LRCH1: variants seen among roughly 807,000 people sequenced by gnomAD.
The protein encoded by LRCH1 is leucine rich repeats and calponin homology domain containing 1, also known as leucine-rich repeat and calponin homology domain-containing protein 1.
Under a neutral mutation model 94.9 loss-of-function variants are expected in LRCH1, and 23 were observed. The ratio of observed to expected loss-of-function variants is 0.24; its 90% CI spans 0.17 to 0.34. LRCH1 has a LOEUF of 0.34. LRCH1 is among the 10% of genes least tolerant of loss of function. LRCH1 has a pLI of 1.00. For synonymous variants in LRCH1, 364 were observed against 354.9 expected, an observed-to-expected ratio of 1.03 and a Z score of -0.29; for missense variants, 790 against 945.9, an observed-to-expected ratio of 0.84 and a Z score of 2.16.
chr13:46,724,896 C>T (rs1438713333), intron 17 of LRCH1, among the ~76,000 whole-genome samples: 1 of 152,146 alleles, frequency 6.6e-6, no homozygotes, highest in African/African-American at 2.4e-5. Context: ...CAAAAAGAAA[C>T]CTGCACTCAT....
At chr13:46,673,396 T>TA (rs1284315633) in intron 3 of LRCH1, among the ~76,000 whole-genome samples, 3 of 152,064 alleles carry the variant, frequency 2.0e-5, no homozygotes, top group East Asian at 1.9e-4. Context: ...GGTCACGGTC[T>TA]AAAAAAAAGA....
chr13:46,659,163 G>GATTGATTT (rs2051413375), intron 2 of LRCH1, among the ~76,000 whole-genome samples: 1 of 149,002 alleles, frequency 6.7e-6, no homozygotes, highest in South Asian at 2.2e-4. Context: ...AAATACTTCA[G>GATTGATTT]ATTTATTTAT....
intron 13 of LRCH1, among the ~76,000 whole-genome samples, chr13:46,706,634 G>C (rs193034984): frequency 8.7e-4 from 132 of 152,022 alleles, no homozygotes; most frequent in African/African-American, 3.1e-3. Flanking sequence ...TGTTGCCCAG[G>C]TTAGTCTCAA....
chr13:46,600,985 A>G (rs2050621738), intron 1 of LRCH1, among the ~76,000 whole-genome samples: 1 of 152,212 alleles, frequency 6.6e-6, no homozygotes, highest in African/African-American at 2.4e-5. Flanking sequence ...CTCCTTGGGA[A>G]ATGGGGCTTG....
intron 1 of LRCH1, among the ~76,000 whole-genome samples, chr13:46,637,144 A>G (rs1241995509): frequency 6.6e-6 from 1 of 151,940 alleles, no homozygotes; most frequent in Non-Finnish European, 1.5e-5. Flanking sequence ...ATAATTGACT[A>G]CTCTTTTTCT....
chr13:46,622,319 A>C (rs2050889992), intron 1 of LRCH1, among the ~76,000 whole-genome samples: 1 of 152,188 alleles, frequency 6.6e-6, no homozygotes, highest in South Asian at 2.1e-4. Flanking sequence ...CTGCAAAGGA[A>C]ATAAGACACA....
intron 1 of LRCH1, among the ~76,000 whole-genome samples, chr13:46,627,577 G>T (rs1594297500): frequency 6.6e-6 from 1 of 152,052 alleles, no homozygotes; most frequent in African/African-American, 2.4e-5. Flanking sequence ...CTGTTTTCCT[G>T]CTCTTTCCCT....
intron 1 of LRCH1, among the ~76,000 whole-genome samples, chr13:46,555,232 G>GA (rs1409457377): frequency 6.6e-6 from 1 of 152,166 alleles, no homozygotes; most frequent in Admixed American, 6.5e-5. Flanking sequence ...AGAATTGCCT[G>GA]AATCACTGAC....
In LRCH1 at chr13:46,750,631, C is replaced by T. The variant is rs568403081; in HGVS notation, c.2072C>T (p.Thr691Met). 8.1e-5 allele frequency: 125 copies of T among 1,551,410 alleles called. 1 individual carries two copies. The highest frequency in any genetic ancestry group is 3.9e-4 in the East Asian group (16 of 40,912). ...CAAGCATTACTAGACATCACCGTAA[C>T]GAAGGCTCTGTTCACATGAAACTAC... The change falls in exon 19 of 19, where the codon ACG becomes ATG. Residue 691 changes from threonine (T) to methionine (M), a missense_variant. By Grantham distance (81) the Thr-to-Met change is moderately conservative. Transcript: ENST00000311191.
At chr13:46,729,496 G>A (rs1872992754) in intron 18 of LRCH1, among the ~76,000 whole-genome samples, 2 of 148,574 alleles carry the variant, frequency 1.3e-5, no homozygotes, top group Admixed American at 1.3e-4. Flanking sequence ...AGGCTGTAGT[G>A]AGCCATGATT....
At chr13:46,700,828 C>G (rs560176403) in intron 10 of LRCH1, among the ~76,000 whole-genome samples, 1 of 152,180 alleles carries the variant, frequency 6.6e-6, no homozygotes, top group Non-Finnish European at 1.5e-5. Context: ...CGGTGAAAGC[C>G]TCTCATCTAG....
chr13:46,685,777 T>C, intron 4 of LRCH1, 128 bp from the exon 5 acceptor site: 1 of 647,096 alleles, frequency 1.5e-6, no homozygotes, highest in East Asian at 2.9e-5. Flanking sequence ...AATGTACAAC[T>C]TGCCTTTGAT....
chr13:46,714,659 A>T (rs892605327), intron 15 of LRCH1, among the ~76,000 whole-genome samples: 2 of 152,146 alleles, frequency 1.3e-5, no homozygotes, highest in Non-Finnish European at 2.9e-5. Context: ...AACTGCACAC[A>T]CCCAAATATT....
chr13:46,696,002 T>A (rs1343917638), intron 9 of LRCH1, among the ~76,000 whole-genome samples: 2 of 152,358 alleles, frequency 1.3e-5, no homozygotes, highest in East Asian at 3.9e-4. Context: ...CTTTACTTGC[T>A]ATATTTAATG....
chr13:46,607,507 G>T (rs2050700353), intron 1 of LRCH1, among the ~76,000 whole-genome samples: 1 of 152,098 alleles, frequency 6.6e-6, no homozygotes, highest in Admixed American at 6.5e-5. Context: ...CTTTTATTTG[G>T]AAATACCATG....
chr13:46,704,157 A>C (rs1871630518), intron 11 of LRCH1, among the ~76,000 whole-genome samples: 2 of 152,132 alleles, frequency 1.3e-5, no homozygotes, highest in Non-Finnish European at 2.9e-5. Flanking sequence ...GAGCCAGTTT[A>C]ATAGTCATGA....
chr13:46,668,903 G>A, intron 2 of LRCH1, 127 bp from the exon 3 acceptor site: 1 of 849,200 alleles, frequency 1.2e-6, no homozygotes, highest in East Asian at 2.5e-5. Flanking sequence ...AAAATATATT[G>A]GACTTCTTGT....
At chr13:46,652,628 A>G (rs906312836) in intron 2 of LRCH1, among the ~76,000 whole-genome samples, 1 of 152,162 alleles carries the variant, frequency 6.6e-6, no homozygotes, top group African/African-American at 2.4e-5. Flanking sequence ...ATAAGTGTCT[A>G]TAGAATTTGG....
intron 2 of LRCH1, among the ~76,000 whole-genome samples, chr13:46,665,890 GGT>G (rs1271611871): frequency 1.3e-5 from 2 of 152,206 alleles, no homozygotes; most frequent in Non-Finnish European, 2.9e-5. Context: ...CTGCTGCTGT[GGT>G]TGCTAGTGGG....
Sources: allele counts gnomAD v4.1 joint callset (sites outside exome capture counted in the v4.1 genomes callset), GRCh38; gene constraint gnomAD v4.1.1; transcripts MANE v1.5; gene names NCBI Gene and HGNC (gene_info 2026-07-23, HGNC 2026-07-21).